Variants in KAZN observed in about 807,000 individuals in gnomAD.
KAZN encodes kazrin, periplakin interacting protein.
KAZN carries 40 observed loss-of-function variants against 87.4 expected under a neutral mutation model. That is an observed-to-expected ratio of 0.46 (90% CI 0.36 to 0.60). The LOEUF is 0.60. Ranked by LOEUF, KAZN falls within the 20% of genes least tolerant of loss-of-function variation. The probability of loss-of-function intolerance (pLI) is 0.00; values close to 1 mark genes in which losing one functional copy is unlikely to be tolerated. For synonymous variants in KAZN, 466 were observed against 458.3 expected (o/e 1.02, Z -0.22); for missense variants, 898 against 1,073.9 (o/e 0.84, Z 2.29).
At chr1:14,831,613 T>C (rs982342279) in intron 1 of KAZN, among the ~76,000 whole-genome samples, 6 of 152,204 alleles carry the variant, frequency 3.9e-5, no homozygotes, top group African/African-American at 1.4e-4. Flanking sequence ...CACTGCTTAT[T>C]AGTGCTCTCA....
intron 1 of KAZN, among the ~76,000 whole-genome samples, chr1:14,123,813 A>G (rs1644801959): frequency 6.7e-6 from 1 of 149,952 alleles, no homozygotes; most frequent in East Asian, 2.0e-4. Context: ...TCAAACACAC[A>G]CCCCTGGTCT....
At chr1:14,017,104 C>A (rs916963564) in intron 1 of KAZN, among the ~76,000 whole-genome samples, 1 of 152,210 alleles carries the variant, frequency 6.6e-6, no homozygotes, top group African/African-American at 2.4e-5. Context: ...ATCTTCCCTT[C>A]TTGTTCTCAG....
At chr1:14,282,264 T>C (rs1652898689) in intron 2 of KAZN, among the ~76,000 whole-genome samples, 1 of 152,212 alleles carries the variant, frequency 6.6e-6, no homozygotes, top group South Asian at 2.1e-4. Context: ...TCATCCATGC[T>C]TGCTTGGAAC....
chr1:14,170,606 T>C (rs1172235685), intron 1 of KAZN, among the ~76,000 whole-genome samples: 2 of 152,232 alleles, frequency 1.3e-5, no homozygotes, highest in Non-Finnish European at 2.9e-5. Flanking sequence ...ACCTTCACAG[T>C]GTTGTATAAC....
At chr1:14,743,169 T>A (rs549327649) in intron 1 of KAZN, among the ~76,000 whole-genome samples, 1 of 152,134 alleles carries the variant, frequency 6.6e-6, no homozygotes, top group Admixed American at 6.6e-5. Context: ...TGGTGGCTCA[T>A]GCCTGTAATC....
chr1:14,984,697 G>A (rs1281740110), intron 2 of KAZN, among the ~76,000 whole-genome samples: 1 of 152,182 alleles, frequency 6.6e-6, no homozygotes, highest in Non-Finnish European at 1.5e-5. Context: ...GCATGAGGCA[G>A]TGGAAAGTAA....
At chr1:14,118,086 C>T (rs1267978667) in intron 1 of KAZN, among the ~76,000 whole-genome samples, 1 of 152,168 alleles carries the variant, frequency 6.6e-6, no homozygotes, top group African/African-American at 2.4e-5. Context: ...GTGGGGTCAC[C>T]ATGGGAAAAC....
intron 1 of KAZN, among the ~76,000 whole-genome samples, chr1:14,605,446 C>T (rs989701418): frequency 6.6e-6 from 1 of 152,100 alleles, no homozygotes; most frequent in African/African-American, 2.4e-5. Context: ...GACCGGAAGC[C>T]TTATGATAAC....
rs576522777 is a variant in KAZN at position 14,801,710 on chromosome 1, G to A, written c.227-158974G>A. On this transcript the variant is annotated intron_variant, in intron 1 of 14. Coordinates refer to ENST00000376030, the MANE Select transcript of KAZN (RefSeq NM_201628.3). ...TTTTTTTGTTTTTTTTTTGAGTGGA[G>A]TCTCGCTTTGTTGCCCAGGCTGGAG... Among the ~76,000 whole-genome samples, 9 of 150,574 alleles carry A rather than the reference G, an allele frequency of 6.0e-5. No individual in the cohort carries two copies. The East Asian group carries it at 1.8e-3, about 29-fold the overall frequency.
In KAZN at chr1:15,044,123, C is replaced by G. The variant is rs1673216551; in HGVS notation, c.690C>G (p.Asp230Glu). 1 of 1,610,796 alleles carries G rather than the reference C, an allele frequency of 6.2e-7. No individual in the cohort carries two copies. The highest frequency in any genetic ancestry group is 8.5e-7 in the Non-Finnish European group (1 of 1,178,668). ...TALRSQLDLK[D>E]NRMKELEAEL... Reference sequence around the variant, plus strand: ...TGCGCTCCCAGCTGGACCTCAAGGACAACCGGATGAAGGAGCTGGAGGCCG... The same window carrying G: ...TGCGCTCCCAGCTGGACCTCAAGGAGAACCGGATGAAGGAGCTGGAGGCCG... The change falls in exon 4 of 15, where the codon GAC becomes GAG. Residue 230 changes from aspartate to glutamate, a missense_variant. Asp to Glu is a conservative substitution (Grantham distance 45). This residue lies in a region of KAZN where 521 missense variants were observed against 689.4 expected (regional missense o/e 0.76). Coordinates refer to ENST00000376030, the MANE Select transcript of KAZN (RefSeq NM_201628.3).
chr1:14,603,827 A>G (rs1363012255), intron 1 of KAZN, among the ~76,000 whole-genome samples: 1 of 152,168 alleles, frequency 6.6e-6, no homozygotes, highest in Non-Finnish European at 1.5e-5. Flanking sequence ...GTGTGTTTGT[A>G]GCAGATGGGC....
intron 8 of KAZN, among the ~76,000 whole-genome samples, chr1:15,090,626 C>G (rs1244124579): frequency 1.3e-5 from 2 of 152,236 alleles, no homozygotes; most frequent in South Asian, 2.1e-4. Context: ...GCCACTCAGA[C>G]GGGTGACCTG....
intron 2 of KAZN, among the ~76,000 whole-genome samples, chr1:14,360,687 G>A (rs1246041126): frequency 6.6e-6 from 1 of 152,056 alleles, no homozygotes; most frequent in African/African-American, 2.4e-5. Flanking sequence ...CCTTCTAACT[G>A]TCAGGCCACT....
chr1:14,983,405 G>C (rs11589152), intron 2 of KAZN, among the ~76,000 whole-genome samples: 2 of 152,052 alleles, frequency 1.3e-5, no homozygotes, highest in African/African-American at 4.8e-5. Flanking sequence ...ATCGTTGCTC[G>C]CCTATCAGGT....
chr1:14,294,544 A>G (rs1653969008), intron 2 of KAZN, among the ~76,000 whole-genome samples: 1 of 151,652 alleles, frequency 6.6e-6, no homozygotes, highest in Admixed American at 6.6e-5. Flanking sequence ...CTTAACCAAC[A>G]TCAGACAGCT....
intron 1 of KAZN, among the ~76,000 whole-genome samples, chr1:13,985,830 T>G (rs919052743): frequency 6.6e-6 from 1 of 152,340 alleles, no homozygotes; most frequent in Admixed American, 6.5e-5. Flanking sequence ...CTTTCAAGGT[T>G]TACCTGTATT....
chr1:14,730,393 T>C (rs1188164301), intron 1 of KAZN, among the ~76,000 whole-genome samples: 1 of 152,198 alleles, frequency 6.6e-6, no homozygotes, highest in Non-Finnish European at 1.5e-5. Flanking sequence ...AAAGTATCTT[T>C]TTTATCATGA....
At chr1:14,925,769 C>G (rs1462946767) in intron 1 of KAZN, among the ~76,000 whole-genome samples, 3 of 152,160 alleles carry the variant, frequency 2.0e-5, no homozygotes, top group Non-Finnish European at 4.4e-5. Context: ...GGTAGCCTCC[C>G]CAGGAGATGG....
Position 14,223,907 on chromosome 1 carries a change from T to C in KAZN, c.249+43315T>C, listed in dbSNP as rs1010729953. ...CCACATTGATGGGCAAAGGAGGTGA[T>C]CAGCAAGGGCTAGGAAGACATCCCC... On this transcript the variant is annotated intron_variant, in intron 2 of 16. Coordinates refer to the KAZN transcript ENST00000636203. Among the ~76,000 whole-genome samples the C allele has an allele frequency of 1.3e-4, 20 of 152,230 alleles. No individual in the cohort carries two copies. The South Asian group carries it at 3.7e-3, about 28-fold the overall frequency.
Sources: allele counts gnomAD v4.1 joint callset (sites outside exome capture counted in the v4.1 genomes callset), GRCh38; gene constraint gnomAD v4.1.1; regional missense constraint gnomAD v4.1.1; transcripts MANE v1.5; gene names NCBI Gene and HGNC (gene_info 2026-07-23, HGNC 2026-07-21).